TMTC1: variants seen among roughly 807,000 people sequenced by gnomAD.
TMTC1 encodes the protein protein O-mannosyl-transferase TMTC1.
TMTC1 carries 73 observed loss-of-function variants against 104.8 expected under a neutral mutation model. The observed-to-expected ratio is 0.70, with a 90% confidence interval of 0.58 to 0.85. The LOEUF (loss-of-function observed/expected upper bound fraction) is 0.85. TMTC1 is among the 40% of genes least tolerant of loss of function. The pLI, the probability that TMTC1 is intolerant of heterozygous loss-of-function variation, is 0.00. For missense variants in TMTC1, 1,035 were observed against 1,096.1 expected (o/e 0.94, Z 0.79); for synonymous variants, 434 against 428.7 (o/e 1.01, Z -0.15).
At chr12:29,770,943 T>A (rs4931219) in intron 1 of TMTC1, among the ~76,000 whole-genome samples, 59,760 of 151,758 alleles carry the variant, frequency 0.39, 12,260 homozygotes, top group Admixed American at 0.54. Context: ...ATGCATCACA[T>A]CTTTATTTTA....
intron 5 of TMTC1, among the ~76,000 whole-genome samples, chr12:29,658,112 C>CA (rs1439643644): frequency 1.3e-5 from 2 of 151,396 alleles, no homozygotes; most frequent in Non-Finnish European, 2.9e-5. Flanking sequence ...AAAACAAAAA[C>CA]AAAAAACAAA....
intron 5 of TMTC1, among the ~76,000 whole-genome samples, chr12:29,706,150 C>T (rs1375496991): frequency 6.6e-6 from 1 of 152,144 alleles, no homozygotes; most frequent in African/African-American, 2.4e-5. Flanking sequence ...CCATGCTGCA[C>T]ACTGTCAGTA....
intron 5 of TMTC1, among the ~76,000 whole-genome samples, chr12:29,695,830 A>ATATATATATATATATATATAC (rs1555188384): frequency 3.0e-5 from 2 of 66,008 alleles, no homozygotes; most frequent in Non-Finnish European, 8.4e-5. Context: ...TATATATATA[A>ATATATATATATATATATATAC]CCTGTCTTCA....
At chr12:29,743,402 A>T (rs1363733849) in intron 5 of TMTC1, among the ~76,000 whole-genome samples, 1 of 152,198 alleles carries the variant, frequency 6.6e-6, no homozygotes, top group Non-Finnish European at 1.5e-5. Context: ...TCATGATGAA[A>T]ATCACAATCA....
intron 6 of TMTC1, 76 bp from the exon 7 acceptor site, chr12:29,604,375 A>G (rs1265787210): frequency 5.1e-6 from 8 of 1,583,934 alleles, no homozygotes; most frequent in Non-Finnish European, 6.9e-6. Flanking sequence ...CATCTCCTTC[A>G]CTTTCAGGTT....
At chr12:29,568,506 T>A (rs991106201) in intron 9 of TMTC1, among the ~76,000 whole-genome samples, 1 of 152,206 alleles carries the variant, frequency 6.6e-6, no homozygotes, top group African/African-American at 2.4e-5. Context: ...CTGAGACTCA[T>A]AGCAATGAAT....
rs144305674 is a variant in TMTC1 at position 29,519,038 on chromosome 12, T to C, written c.1889-431A>G. On this transcript the variant is annotated intron_variant, in intron 12 of 17. Transcript: ENST00000539277. ...AGCAATTTCTAAGGGTCTGTCTCAA[T>C]GAACTATACTTCAACATAGCAATTG... Among the ~76,000 whole-genome samples, 51 of 152,308 alleles carry C rather than the reference T, an allele frequency of 3.3e-4. No homozygotes were observed. The East Asian group carries it at 8.3e-3, about 25-fold the overall frequency.
intron 6 of TMTC1, among the ~76,000 whole-genome samples, chr12:29,605,956 T>C (rs2136408780): frequency 6.6e-6 from 1 of 152,278 alleles, no homozygotes; most frequent in South Asian, 2.1e-4. Context: ...AGTGAGAATA[T>C]GTGGTATTTG....
chr12:29,529,162 C>T (rs1016871195), intron 11 of TMTC1, among the ~76,000 whole-genome samples: 3 of 152,116 alleles, frequency 2.0e-5, no homozygotes, highest in Non-Finnish European at 4.4e-5. Context: ...CTACTGTATA[C>T]TGATGAGATA....
chr12:29,604,037 G>T, intron 7 of TMTC1, 141 bp downstream of exon 7: 1 of 1,120,080 alleles, frequency 8.9e-7, no homozygotes. Flanking sequence ...CTTCTGTGTG[G>T]CTGTTTTTAA....
At chr12:29,676,208 C>T (rs180858167) in intron 5 of TMTC1, among the ~76,000 whole-genome samples, 1 of 152,318 alleles carries the variant, frequency 6.6e-6, no homozygotes, top group Admixed American at 6.5e-5. Flanking sequence ...CTACGTGTGT[C>T]AGATATCCAT....
rs557918760 is a variant in TMTC1 at position 29,743,263 on chromosome 12, G to T, written c.938+8403C>A. On this transcript the variant is annotated intron_variant, in intron 5 of 17. Transcript: ENST00000539277. The stretch of plus-strand genomic sequence containing the variant: ...CCCAGGCACTCTGGCAGGAGTCCAT[G>T]TTCTTTACTGGTAATGTACACTGCC... 9.2e-5 allele frequency among the ~76,000 whole-genome samples: 14 copies of T among 152,264 alleles called. No individual in the cohort carries two copies. In the South Asian group the frequency reaches 2.9e-3, roughly 32 times the overall value.
At chr12:29,541,699 C>T (rs1944803143) in intron 10 of TMTC1, among the ~76,000 whole-genome samples, 1 of 147,436 alleles carries the variant, frequency 6.8e-6, no homozygotes, top group African/African-American at 2.5e-5. Flanking sequence ...TGCTCTGTCG[C>T]CCAGGCTGGA....
intron 10 of TMTC1, among the ~76,000 whole-genome samples, chr12:29,545,427 G>T (rs1043003836): frequency 1.3e-5 from 2 of 152,102 alleles, no homozygotes; most frequent in African/African-American, 4.8e-5. Context: ...ATCATTTGAG[G>T]TCAGGAGTTC....
intron 6 of TMTC1, among the ~76,000 whole-genome samples, chr12:29,623,825 ATAAATTAAAT>A (rs1555177658): frequency 1.4e-4 from 21 of 148,824 alleles, no homozygotes; most frequent in South Asian, 4.2e-4. Flanking sequence ...AAATAAATAA[ATAAATTAAAT>A]TAAATTAAAT....
At chr12:29,573,092 T>C (rs1469439849) in intron 8 of TMTC1, among the ~76,000 whole-genome samples, 3 of 152,140 alleles carry the variant, frequency 2.0e-5, no homozygotes, top group Non-Finnish European at 4.4e-5. Flanking sequence ...AGGTCATCGC[T>C]TCCTCCTTGG....
intron 5 of TMTC1, among the ~76,000 whole-genome samples, chr12:29,738,611 C>T (rs191018757): frequency 1.3e-5 from 2 of 152,198 alleles, no homozygotes; most frequent in African/African-American, 4.8e-5. Context: ...TGCTCTAGTA[C>T]AAAATACAAC....
At chr12:29,654,720 CAAA>C (rs34793977) in intron 5 of TMTC1, among the ~76,000 whole-genome samples, 1 of 141,142 alleles carries the variant, frequency 7.1e-6, no homozygotes, top group South Asian at 2.3e-4. Context: ...CCATTTTTAT[CAAA>C]AAAAAAAAAA....
Position 29,783,902 on chromosome 12 carries a change from C to T in TMTC1, c.-151G>A. 1 of 741,586 alleles carries T rather than the reference C, an allele frequency of 1.3e-6. No homozygotes were observed. Among genetic ancestry groups the T allele is most frequent in the Non-Finnish European group, 1.7e-6 (1 of 595,262 alleles). 45.9% of individuals were successfully genotyped at this position (741,586 alleles called of 1,614,324 possible). On this transcript the variant is annotated 5_prime_UTR_variant, in exon 1 of 18. Coordinates refer to ENST00000539277, the MANE Select transcript of TMTC1 (RefSeq NM_001193451.2). This position sits in a 1 kb window ranked among gnomAD's most constrained non-coding sequence, Gnocchi z 4.7. ...CCCGCCGCGAGCTCCCCGCGCTCCG[C>T]CGCCGCCTGCGCCGCGGAGTTGGCC...
Sources: gnomAD v4.1 joint callset for allele counts (sites outside exome capture counted in the v4.1 genomes callset) on GRCh38, gnomAD v4.1.1 for gene constraint, Gnocchi (gnomAD v3.1) non-coding constraint, MANE v1.5 for transcripts, NCBI Gene and HGNC (gene_info 2026-07-23, HGNC 2026-07-21) for gene names.